Variants in COPS5 observed in about 807,000 individuals in gnomAD.
COPS5 encodes COP9 signalosome subunit 5.
In COPS5, 8 loss-of-function variants were observed where a neutral mutation model predicts 44.4. The ratio of observed to expected loss-of-function variants is 0.18; its 90% confidence interval spans 0.11 to 0.32. The LOEUF (loss-of-function observed/expected upper bound fraction) is 0.32. Among genes scored for constraint, COPS5 ranks in the 10% least tolerant of loss-of-function variants. The probability of loss-of-function intolerance (pLI) is 1.00; values close to 1 mark genes in which losing one functional copy is unlikely to be tolerated. For synonymous variants in COPS5, 122 were observed against 142.8 expected, an observed-to-expected ratio of 0.85 and a Z score of 1.04; for missense variants, 159 against 406.4, an observed-to-expected ratio of 0.39 and a Z score of 5.23.
At chr8:67,057,326 C>T (rs975358774) in intron 4 of COPS5, 54 bp downstream of exon 4, 1 of 1,238,226 alleles carries the variant, frequency 8.1e-7, no homozygotes, top group Non-Finnish European at 1.2e-6. Flanking sequence ...AGCCACTGTA[C>T]TCCAGCCTAG....
chr8:67,049,024 T>C (rs1464489546), intron 6 of COPS5, among the ~76,000 whole-genome samples: 1 of 152,214 alleles, frequency 6.6e-6, no homozygotes, highest in African/African-American at 2.4e-5. Context: ...ATAGATATCA[T>C]TTGTTTATTA....
intron 5 of COPS5, among the ~76,000 whole-genome samples, chr8:67,055,308 T>C (rs560322530): frequency 1.5e-4 from 23 of 152,172 alleles, no homozygotes; most frequent in Non-Finnish European, 3.4e-4. Flanking sequence ...GAAGTCATTC[T>C]GAAAAGGAAG....
At chr8:67,060,718 T>G in intron 1 of COPS5, 1 of 321,038 alleles carries the variant, frequency 3.1e-6, no homozygotes, top group Non-Finnish European at 6.2e-6. Context: ...ATCAACTAGT[T>G]AGTGACAGCT....
chr8:67,057,340 A>C, intron 4 of COPS5, 40 bp downstream of exon 4: 1 of 1,356,304 alleles, frequency 7.4e-7, no homozygotes, highest in South Asian at 1.2e-5. Flanking sequence ...AGCCTAGGTA[A>C]CACAGTGAGA....
At position 67,062,102 on chromosome 8, in the gene COPS5, T is replaced by C. The variant is rs934923704; in HGVS notation, c.-106A>G. On this transcript the variant is annotated 5_prime_UTR_variant, in exon 1 of 8. Coordinates refer to ENST00000357849, the MANE Select transcript of COPS5 (RefSeq NM_006837.3). ...CCCTCCGCACCACGGGAACAAACTC[T>C]TACCTAGACTCTTGGGGCAGCCATG... 1.9e-6 allele frequency: 3 copies of C among 1,570,992 alleles called. No individual in the cohort carries two copies. Among genetic ancestry groups the C allele is most frequent in the African/African-American group, 1.4e-5 (1 of 74,050 alleles).
intron 2 of COPS5, 92 bp downstream of exon 2, chr8:67,059,119 A>G: frequency 1.3e-6 from 1 of 745,996 alleles, no homozygotes; most frequent in Non-Finnish European, 2.2e-6. Context: ...ATAAAATTTC[A>G]TGTAAAGGGG....
At chr8:67,061,473 T>C (rs1249830058) in intron 1 of COPS5, 9 of 433,924 alleles carry the variant, frequency 2.1e-5, no homozygotes, top group Admixed American at 6.0e-5. Context: ...TTTGAGACCT[T>C]GGGCTGCTGA....
intron 4 of COPS5, among the ~76,000 whole-genome samples, chr8:67,056,917 T>G (rs1455364628): frequency 6.6e-6 from 1 of 151,780 alleles, no homozygotes; most frequent in Non-Finnish European, 1.5e-5. Flanking sequence ...TAATAACTAT[T>G]TCAGATTGCG....
chr8:67,058,535 T>C (rs1362841511), intron 2 of COPS5, among the ~76,000 whole-genome samples: 1 of 152,184 alleles, frequency 6.6e-6, no homozygotes, highest in Non-Finnish European at 1.5e-5. Context: ...ATATATATGA[T>C]GGTTATCTTT....
At chr8:67,054,021 A>AAAAAAAAAT (rs1804459561) in intron 5 of COPS5, among the ~76,000 whole-genome samples, 1 of 151,862 alleles carries the variant, frequency 6.6e-6, no homozygotes, top group Non-Finnish European at 1.5e-5. Context: ...AAAAAAAAAA[A>AAAAAAAAAT]AAGAACATTT....
intron 5 of COPS5, among the ~76,000 whole-genome samples, chr8:67,055,892 A>G (rs1010780520): frequency 6.6e-6 from 1 of 151,838 alleles, no homozygotes; most frequent in Non-Finnish European, 1.5e-5. Flanking sequence ...TATGTAATAC[A>G]GTGGTTTTTA....
intron 7 of COPS5, chr8:67,044,282 A>C (rs973149837): frequency 2.6e-5 from 4 of 152,138 alleles, no homozygotes; most frequent in Non-Finnish European, 5.9e-5. Flanking sequence ...CTTGAGCTCA[A>C]GCAATATGCC....
chr8:67,061,588 A>G (rs1201992538), intron 1 of COPS5: 1 of 486,426 alleles, frequency 2.1e-6, no homozygotes, highest in Non-Finnish European at 3.7e-6. Context: ...GGCATATATG[A>G]CAATACGGAT....
chr8:67,053,117 T>C lies in COPS5; in HGVS notation c.660-1776A>G, dbSNP rs1299042061. On this transcript the variant is annotated intron_variant, in intron 5 of 7. Coordinates refer to ENST00000357849, the MANE Select transcript of COPS5 (RefSeq NM_006837.3). ...ACAGAATGCTTTTTCTGAGCCGCAA[T>C]CTCACTCTGTCACTTAGGCTGGAGT... 2.0e-5 allele frequency among the ~76,000 whole-genome samples: 3 copies of C among 152,038 alleles called. No homozygotes were observed. The South Asian group carries it at 6.2e-4, about 32-fold the overall frequency.
rs556307768 is a variant in COPS5, at chr8:67,050,223, G to A, written c.771+1007C>T. Among the ~76,000 whole-genome samples, 305 of 151,952 alleles carry A rather than the reference G, an allele frequency of 2.0e-3. 4 individuals carry two copies. Among genetic ancestry groups the A allele is most frequent in the Non-Finnish European group, 2.7e-3 (184 of 67,960 alleles). On this transcript the variant is annotated intron_variant, in intron 6 of 7. Coordinates refer to ENST00000357849, the MANE Select transcript of COPS5 (RefSeq NM_006837.3). Reference sequence around the variant, plus strand: ...TCACCGTGTTAGCCAGGATGGTCTCGATCTCCTGACCTCATGATCCGCCCG... The same window carrying A: ...TCACCGTGTTAGCCAGGATGGTCTCAATCTCCTGACCTCATGATCCGCCCG...
intron 1 of COPS5, 23 bp downstream of exon 1, chr8:67,061,831 C>G (rs776174581): frequency 6.2e-7 from 1 of 1,612,480 alleles, no homozygotes; most frequent in Non-Finnish European, 8.5e-7. Context: ...CCCTCCCCTG[C>G]GTCTCGCCAG....
intron 7 of COPS5, chr8:67,043,542 A>T (rs1007250347): frequency 2.8e-5 from 10 of 352,848 alleles, no homozygotes; most frequent in Non-Finnish European, 5.1e-5. Context: ...GACAACGTAA[A>T]ATTTGATACA....
At position 67,061,595 on chromosome 8, in the gene COPS5, G is replaced by A. The variant is rs1585720423; in HGVS notation, c.143+259C>T. On this transcript the variant is annotated intron_variant, in intron 1 of 7. Transcript: ENST00000357849. The stretch of plus-strand genomic sequence containing the variant: ...GGGTGTGTGGCATATATGACAATAC[G>A]GATGTTCAGAAGTGACAACTTAAAT... 3.2e-5 allele frequency: 16 copies of A among 495,428 alleles called. No homozygotes were observed. In the East Asian group the frequency reaches 6.1e-4, roughly 19 times the overall value. 30.7% of individuals were successfully genotyped at this position (495,428 alleles called of 1,614,324 possible).
At chr8:67,048,394 G>A (rs1401438201) in intron 6 of COPS5, among the ~76,000 whole-genome samples, 3 of 151,638 alleles carry the variant, frequency 2.0e-5, no homozygotes, top group Non-Finnish European at 4.4e-5. Flanking sequence ...TAAAATAACA[G>A]TAAATACACT....
Sources: allele counts gnomAD v4.1 joint callset (sites outside exome capture counted in the v4.1 genomes callset), GRCh38; gene constraint gnomAD v4.1.1; transcripts MANE v1.5; gene names NCBI Gene and HGNC (gene_info 2026-07-23, HGNC 2026-07-21).